Variants in SGCD observed in about 807,000 individuals in gnomAD.
The protein encoded by SGCD is delta-sarcoglycan.
A neutral mutation model predicts 36.6 loss-of-function variants in SGCD; 18 were observed. The observed-to-expected ratio is 0.49, with a 90% CI of 0.34 to 0.73. SGCD has a LOEUF of 0.73. SGCD is among the 30% of genes least tolerant of loss of function. SGCD has a pLI of 0.01. For synonymous variants in SGCD, 133 were observed against 130.6 expected, an observed-to-expected ratio of 1.02 and a Z score of -0.12; for missense variants, 387 against 346.7, an observed-to-expected ratio of 1.12 and a Z score of -0.92.
rs534920207 is a variant in SGCD, at chr5:156,408,010, T to C, written c.192+63333T>C. Among the ~76,000 whole-genome samples the C allele has an allele frequency of 2.0e-5, 3 of 152,338 alleles. No homozygotes were observed. The East Asian group carries it at 5.8e-4, about 29-fold the overall frequency. ...TAATGCTTGGTTTCGGGAATATTCA[T>C]GTCTACCTCAAAGATGGTATTATAA... On this transcript the variant is annotated intron_variant, in intron 3 of 8. Transcript: ENST00000337851.
intron 3 of SGCD, among the ~76,000 whole-genome samples, chr5:156,444,606 C>A (rs1005086121): frequency 6.6e-5 from 10 of 152,022 alleles, no homozygotes; most frequent in Non-Finnish European, 8.8e-5. Flanking sequence ...TTCCACCCCC[C>A]ACCTCCAGAC....
At chr5:155,954,927 T>C (rs1757620347) in intron 1 of SGCD, among the ~76,000 whole-genome samples, 1 of 152,112 alleles carries the variant, frequency 6.6e-6, no homozygotes, top group African/African-American at 2.4e-5. Flanking sequence ...TGGTGCAAGT[T>C]GCAGTCTGAA....
rs181805801 is a variant in SGCD at position 155,947,398 on chromosome 5, T to A, written c.-282+76974T>A. On this transcript the variant is annotated intron_variant, in intron 1 of 9. Transcript: ENST00000517913. ...GGAAATTGCATAACAGTTATGTTAA[T>A]GTCTATACAGTTTTCCTAAAAAAAG... 3.6e-3 allele frequency among the ~76,000 whole-genome samples: 554 copies of A among 152,068 alleles called. 1 individual carries two copies. Among genetic ancestry groups the A allele is most frequent in the African/African-American group, 0.012 (512 of 41,468 alleles).
intron 1 of SGCD, among the ~76,000 whole-genome samples, chr5:155,999,519 C>T (rs1378957581): frequency 6.6e-6 from 1 of 152,164 alleles, no homozygotes; most frequent in East Asian, 1.9e-4. Flanking sequence ...TATTCTGTGT[C>T]AGGCTTTTTG....
intron 1 of SGCD, among the ~76,000 whole-genome samples, chr5:156,101,864 A>T (rs572799523): frequency 6.6e-6 from 1 of 151,486 alleles, no homozygotes; most frequent in Non-Finnish European, 1.5e-5. Flanking sequence ...ATCAATAACT[A>T]TAAACGTATA....
At chr5:156,382,891 A>G (rs191669409) in intron 3 of SGCD, among the ~76,000 whole-genome samples, 4 of 152,340 alleles carry the variant, frequency 2.6e-5, no homozygotes, top group African/African-American at 9.6e-5. Context: ...GATTTTAATA[A>G]GGGCATTCTG....
At chr5:155,942,330 G>C (rs62380668) in intron 1 of SGCD, among the ~76,000 whole-genome samples, 73,117 of 135,164 alleles carry the variant, frequency 0.54, 20,186 homozygotes, top group African/African-American at 0.64. Flanking sequence ...ATGTATGTAT[G>C]TATGTATCTA....
At chr5:156,154,310 C>T (rs1470044686) in intron 3 of SGCD, among the ~76,000 whole-genome samples, 1 of 151,642 alleles carries the variant, frequency 6.6e-6, no homozygotes, top group Non-Finnish European at 1.5e-5. Flanking sequence ...CTTTCCTCTT[C>T]CACTCTCTCT....
intron 3 of SGCD, among the ~76,000 whole-genome samples, chr5:156,424,254 T>C (rs1298481599): frequency 1.3e-5 from 2 of 152,026 alleles, no homozygotes; most frequent in Non-Finnish European, 2.9e-5. Context: ...TCTGATTTCT[T>C]CTTACTCTTT....
chr5:155,912,574 A>G (rs1756651606), intron 1 of SGCD, among the ~76,000 whole-genome samples: 1 of 152,098 alleles, frequency 6.6e-6, no homozygotes, highest in South Asian at 2.1e-4. Flanking sequence ...TCTAATTCAT[A>G]TATTTTTTGT....
chr5:156,643,087 C>A (rs1404165318), intron 6 of SGCD, among the ~76,000 whole-genome samples: 1 of 144,252 alleles, frequency 6.9e-6, no homozygotes, highest in Non-Finnish European at 1.5e-5. Flanking sequence ...GGCTGGAGTG[C>A]AAAGGTGTGA....
intron 2 of SGCD, among the ~76,000 whole-genome samples, chr5:156,339,059 G>A (rs1459117692): frequency 6.6e-6 from 1 of 152,196 alleles, no homozygotes; most frequent in Non-Finnish European, 1.5e-5. Flanking sequence ...ACATGCTTTA[G>A]TAATATGACC....
At chr5:155,811,294 A>G in the SGCD span, among the ~76,000 whole-genome samples, 1 of 152,270 alleles carries the variant, frequency 6.6e-6, no homozygotes, top group Admixed American at 6.5e-5. Flanking sequence ...AACAACAACA[A>G]CAACAACAAC....
chr5:155,828,075 A>G, the SGCD span, among the ~76,000 whole-genome samples: 2 of 152,138 alleles, frequency 1.3e-5, no homozygotes, highest in African/African-American at 2.4e-5. Flanking sequence ...ATCTTCTGCC[A>G]CATCTAGTTT....
chr5:156,679,495 G>C (rs145845039), intron 7 of SGCD, among the ~76,000 whole-genome samples: 1 of 152,108 alleles, frequency 6.6e-6, no homozygotes, highest in Non-Finnish European at 1.5e-5. Flanking sequence ...CCACCCTTGG[G>C]CAATGCACAG....
intron 1 of SGCD, among the ~76,000 whole-genome samples, chr5:156,077,701 C>T (rs1760825560): frequency 6.6e-6 from 1 of 152,116 alleles, no homozygotes; most frequent in Non-Finnish European, 1.5e-5. Context: ...TCTCATGACT[C>T]CTCAATACCA....
At chr5:155,892,953 G>A (rs192096432) in intron 1 of SGCD, among the ~76,000 whole-genome samples, 1 of 152,216 alleles carries the variant, frequency 6.6e-6, no homozygotes, top group Non-Finnish European at 1.5e-5. Flanking sequence ...CAGCAGCCAA[G>A]AATAATGGCG....
At chr5:156,050,200 C>T (rs1029317345) in intron 1 of SGCD, among the ~76,000 whole-genome samples, 4 of 146,390 alleles carry the variant, frequency 2.7e-5, no homozygotes, top group African/African-American at 9.8e-5. Flanking sequence ...ACTGATGCTA[C>T]AGAATTCATT....
At chr5:156,713,700 G>A (rs2113760461) in intron 7 of SGCD, among the ~76,000 whole-genome samples, 1 of 152,316 alleles carries the variant, frequency 6.6e-6, no homozygotes, top group Admixed American at 6.5e-5. Context: ...CCGAACAAAA[G>A]GGCAGCTTTT....
Sources: gnomAD v4.1 joint callset for allele counts (sites outside exome capture counted in the v4.1 genomes callset) on GRCh38, gnomAD v4.1.1 for gene constraint, MANE v1.5 for transcripts, NCBI Gene and HGNC (gene_info 2026-07-23, HGNC 2026-07-21) for gene names.